The following KSR2 variants were observed in gnomAD, a reference collection of about 807,000 sequenced individuals.
The protein encoded by KSR2 is kinase suppressor of ras 2.
In KSR2, 25 loss-of-function variants were observed where a neutral mutation model predicts 107.8. The ratio of observed to expected loss-of-function variants is 0.23; its 90% confidence interval spans 0.17 to 0.32. The LOEUF (loss-of-function observed/expected upper bound fraction) is 0.32. Among genes scored for constraint, KSR2 ranks in the 10% least tolerant of loss-of-function variants. KSR2 has a pLI of 1.00. For synonymous variants in KSR2, 480 were observed against 507.0 expected (o/e 0.95, Z 0.71); for missense variants, 887 against 1,268.9 (o/e 0.70, Z 4.57).
chr12:117,528,615 G>A (rs1431018441), intron 12 of KSR2, among the ~76,000 whole-genome samples: 3 of 152,166 alleles, frequency 2.0e-5, no homozygotes, highest in Non-Finnish European at 2.9e-5. Flanking sequence ...AGTGGCATTC[G>A]CCATGGTATT....
chr12:117,686,961 C>A lies in KSR2; in HGVS notation c.987-19303G>T, dbSNP rs1041653346. On this transcript the variant is annotated intron_variant, in intron 4 of 19. Transcript: ENST00000339824. ...GGGCTTGGAGAGGACTCAGAAGATG[C>A]TGGGGCTGGCGGGCTGGCTGGCTGG... Among the ~76,000 whole-genome samples, 3 of 152,292 alleles carry A rather than the reference C, an allele frequency of 2.0e-5. 1 individual carries two copies. In the East Asian group the frequency reaches 5.8e-4, roughly 29 times the overall value.
intron 7 of KSR2, among the ~76,000 whole-genome samples, chr12:117,573,611 TCCAC>T (rs1043869352): frequency 3.6e-5 from 5 of 139,958 alleles, no homozygotes; most frequent in African/African-American, 1.3e-4. Flanking sequence ...CACTGCAACC[TCCAC>T]CTCCTAGGTT....
intron 4 of KSR2, among the ~76,000 whole-genome samples, chr12:117,686,229 T>C (rs2136554160): frequency 7.0e-6 from 1 of 143,780 alleles, no homozygotes. Flanking sequence ...TTTTTTTTTT[T>C]TTTTTTTTTT....
At chr12:117,577,648 T>C (rs1879367335) in intron 7 of KSR2, among the ~76,000 whole-genome samples, 1 of 152,170 alleles carries the variant, frequency 6.6e-6, no homozygotes, top group Non-Finnish European at 1.5e-5. Flanking sequence ...ACTTCTTACA[T>C]GGCAGTGGCA....
At chr12:117,760,610 G>C (rs1331620195) in intron 4 of KSR2, among the ~76,000 whole-genome samples, 1 of 152,132 alleles carries the variant, frequency 6.6e-6, no homozygotes, top group African/African-American at 2.4e-5. Flanking sequence ...GACTCTGCAG[G>C]GGTTGGCAAA....
In KSR2 at chr12:117,968,940, T is replaced by C. The variant is rs1896876521; in HGVS notation, c.-685A>G. The C allele has an allele frequency of 4.1e-6, 1 of 242,032 alleles. No homozygotes were observed. The highest frequency in any genetic ancestry group is 3.8e-5 in the South Asian group (1 of 26,154). 15.0% of individuals were successfully genotyped at this position (242,032 alleles called of 1,614,324 possible). On this transcript the variant is annotated 5_prime_UTR_variant, in exon 1 of 20. Transcript: ENST00000339824. The stretch of plus-strand genomic sequence containing the variant: ...CGCCGCCGGGCTCCGGGGGTGACGG[T>C]TGCTGCAATCGCTCCTGCCTCGCTC...
At chr12:117,928,934 C>T (rs764054416) in intron 1 of KSR2, among the ~76,000 whole-genome samples, 3 of 152,170 alleles carry the variant, frequency 2.0e-5, no homozygotes, top group Non-Finnish European at 2.9e-5. Flanking sequence ...ACTTCAATGC[C>T]AACCTTTCCC....
intron 1 of KSR2, among the ~76,000 whole-genome samples, chr12:117,861,084 CAGA>C (rs1203350485): frequency 6.6e-6 from 1 of 152,154 alleles, no homozygotes; most frequent in Non-Finnish European, 1.5e-5. Flanking sequence ...CCATCCTGTG[CAGA>C]AGGACTGTAC....
At chr12:117,672,908 C>T (rs541096611) in intron 4 of KSR2, among the ~76,000 whole-genome samples, 10 of 152,344 alleles carry the variant, frequency 6.6e-5, no homozygotes, top group South Asian at 2.1e-4. Flanking sequence ...GGATTACAGG[C>T]GTGGGCCACT....
intron 5 of KSR2, among the ~76,000 whole-genome samples, chr12:117,658,104 G>A (rs1565947727): frequency 6.6e-6 from 1 of 152,236 alleles, no homozygotes; most frequent in Non-Finnish European, 1.5e-5. Context: ...GCATAGTTCA[G>A]TGAAGGAATT....
chr12:117,739,281 G>A (rs1340628718), intron 4 of KSR2, among the ~76,000 whole-genome samples: 4 of 152,010 alleles, frequency 2.6e-5, no homozygotes, highest in East Asian at 3.9e-4. Flanking sequence ...CGTGAACCTG[G>A]GAGGAGGAGC....
At chr12:117,589,322 A>C (rs1164862291) in intron 5 of KSR2, among the ~76,000 whole-genome samples, 2 of 152,168 alleles carry the variant, frequency 1.3e-5, no homozygotes, top group Non-Finnish European at 2.9e-5. Context: ...ATAATAGCTA[A>C]CTTTTATTAA....
chr12:117,802,046 AT>A (rs1220472902), intron 3 of KSR2, among the ~76,000 whole-genome samples: 2 of 152,202 alleles, frequency 1.3e-5, no homozygotes, highest in Non-Finnish European at 2.9e-5. Flanking sequence ...TACAACACAC[AT>A]TCATTATCTT....
At chr12:117,628,310 C>G (rs1882628415) in intron 5 of KSR2, among the ~76,000 whole-genome samples, 1 of 152,208 alleles carries the variant, frequency 6.6e-6, no homozygotes, top group Admixed American at 6.5e-5. Flanking sequence ...CTTTTCTGCT[C>G]TGGTTTCTCC....
At chr12:117,580,799 G>C (rs1342869675) in intron 6 of KSR2, among the ~76,000 whole-genome samples, 4 of 152,184 alleles carry the variant, frequency 2.6e-5, no homozygotes, top group Non-Finnish European at 5.9e-5. Context: ...GGGTGGGGCT[G>C]AGCCAGGGGC....
At chr12:117,729,905 C>T (rs969033586) in intron 4 of KSR2, among the ~76,000 whole-genome samples, 1 of 152,140 alleles carries the variant, frequency 6.6e-6, no homozygotes, top group African/African-American at 2.4e-5. Context: ...ATAGAGGCAG[C>T]GTAGCACTGA....
At chr12:117,890,030 C>T (rs552606308) in intron 1 of KSR2, among the ~76,000 whole-genome samples, 4 of 152,344 alleles carry the variant, frequency 2.6e-5, no homozygotes, top group South Asian at 2.1e-4. Context: ...TCCCCCCAAC[C>T]CCTACTCCCT....
chr12:117,612,987 A>G (rs1197601783), intron 5 of KSR2, among the ~76,000 whole-genome samples: 1 of 152,190 alleles, frequency 6.6e-6, no homozygotes, highest in African/African-American at 2.4e-5. Context: ...TTCCCCAGCC[A>G]TGTGGAACTG....
intron 4 of KSR2, among the ~76,000 whole-genome samples, chr12:117,696,067 C>T (rs944772045): frequency 2.0e-5 from 3 of 152,198 alleles, no homozygotes; most frequent in Admixed American, 1.3e-4. Context: ...GTGCTCTCCA[C>T]CTGCTCAGAG....
Sources: gnomAD v4.1 joint callset for allele counts (sites outside exome capture counted in the v4.1 genomes callset) on GRCh38, gnomAD v4.1.1 for gene constraint, MANE v1.5 for transcripts, NCBI Gene and HGNC (gene_info 2026-07-23, HGNC 2026-07-21) for gene names.